Variants in LRBA observed in about 807,000 individuals in gnomAD.
LRBA encodes lipopolysaccharide-responsive and beige-like anchor protein.
A neutral mutation model predicts 330.0 loss-of-function variants in LRBA; 176 were observed. That is an observed-to-expected ratio of 0.53 (90% CI 0.47 to 0.60). The LOEUF (loss-of-function observed/expected upper bound fraction) is 0.60. LRBA is among the 20% of genes least tolerant of loss of function. LRBA has a pLI of 0.00. For missense variants in LRBA, 3,259 were observed against 3,444.8 expected, an observed-to-expected ratio of 0.95 and a Z score of 1.35; for synonymous variants, 1,230 against 1,193.0, an observed-to-expected ratio of 1.03 and a Z score of -0.64.
At chr4:150,936,599 T>C (rs1735102751) in intron 2 of LRBA, among the ~76,000 whole-genome samples, 1 of 151,972 alleles carries the variant, frequency 6.6e-6, no homozygotes, top group Non-Finnish European at 1.5e-5. Context: ...AATTATATAA[T>C]GATTATAACT....
intron 37 of LRBA, among the ~76,000 whole-genome samples, chr4:150,656,403 T>C (rs942063708): frequency 4.6e-5 from 7 of 152,222 alleles, no homozygotes; most frequent in African/African-American, 1.4e-4. Flanking sequence ...GTTTGTGTTG[T>C]TGTGGGTTTT....
Position 150,588,178 on chromosome 4 carries a change from A to T in LRBA, c.6200T>A (p.Val2067Asp). ...AAGCTGAGCTGGTGTGCTCAGGCTA[A>T]CAGGACCTGCCAAAAGGAAAAGACA... Reference protein sequence around the residue: ...EKDLENLAGPVSLSTPAQLVA... With the variant: ...EKDLENLAGPDSLSTPAQLVA... Residue 2067 changes from valine to aspartate, a missense_variant, in exon 40 of 57, where the codon GTT becomes GAT. Transcript: ENST00000651943. 1 of 1,586,354 alleles carries T rather than the reference A, an allele frequency of 6.3e-7. No homozygotes were observed. The highest frequency in any genetic ancestry group is 8.5e-7 in the Non-Finnish European group (1 of 1,171,408).
intron 48 of LRBA, among the ~76,000 whole-genome samples, chr4:150,331,698 G>A (rs568870730): frequency 6.6e-6 from 1 of 152,246 alleles, no homozygotes; most frequent in Non-Finnish European, 1.5e-5. Flanking sequence ...TTAGCTGGCA[G>A]CCTTCATATT....
chr4:150,978,612 G>A (rs566966373), intron 2 of LRBA, among the ~76,000 whole-genome samples: 102 of 152,244 alleles, frequency 6.7e-4, no homozygotes, highest in Non-Finnish European at 1.3e-3. Flanking sequence ...CTATTTTGAG[G>A]AAACTCAAAG....
intron 2 of LRBA, among the ~76,000 whole-genome samples, chr4:150,959,628 TAAC>T (rs1423158650): frequency 6.7e-6 from 1 of 148,638 alleles, no homozygotes; most frequent in Non-Finnish European, 1.5e-5. Context: ...AAAAAGACAA[TAAC>T]AACGAATTGG....
At chr4:150,371,823 C>T (rs892209173) in intron 47 of LRBA, among the ~76,000 whole-genome samples, 15 of 152,076 alleles carry the variant, frequency 9.9e-5, no homozygotes, top group African/African-American at 3.6e-4. Context: ...GTCTATATTC[C>T]TATCCTAAAA....
intron 37 of LRBA, among the ~76,000 whole-genome samples, chr4:150,667,718 T>G (rs4396972): frequency 0.81 from 123,641 of 152,096 alleles, 53,364 homozygotes; most frequent in Non-Finnish European, 0.95. Flanking sequence ...TCCACCATGT[T>G]AGGATACAAT....
At chr4:150,798,247 A>G (rs549669214) in intron 33 of LRBA, 105 bp from the exon 34 acceptor site, 1 of 722,866 alleles carries the variant, frequency 1.4e-6, no homozygotes, top group South Asian at 1.7e-5. Flanking sequence ...CAGACTATTA[A>G]TAGTGCACAT....
intron 30 of LRBA, among the ~76,000 whole-genome samples, chr4:150,826,612 G>A (rs1283946906): frequency 1.3e-5 from 2 of 152,158 alleles, no homozygotes; most frequent in Admixed American, 6.5e-5. Flanking sequence ...TACCTTATCA[G>A]TAAGAGATTA....
At position 150,892,884 on chromosome 4, in the gene LRBA, A is replaced by T. The variant is rs2127097208; in HGVS notation, c.2165+168T>A. ...AATAGTAACACAGCCTCTATAATTA[A>T]AGATTCATTGAAAAAAAATGCATGA... is the stretch of plus-strand genomic sequence containing the variant. On this transcript the variant is annotated intron_variant, in intron 17 of 56. Transcript: ENST00000651943. Among the ~76,000 whole-genome samples, 6 of 152,306 alleles carry T rather than the reference A, an allele frequency of 3.9e-5. No individual in the cohort carries two copies. The Middle Eastern group carries it at 0.014, about 345-fold the overall frequency.
intron 52 of LRBA, among the ~76,000 whole-genome samples, chr4:150,306,974 G>A (rs1730431010): frequency 6.6e-6 from 1 of 151,674 alleles, no homozygotes; most frequent in Non-Finnish European, 1.5e-5. Context: ...TACTTCACAG[G>A]ATTATTGTGA....
intron 2 of LRBA, among the ~76,000 whole-genome samples, chr4:151,001,125 C>A (rs1002689535): frequency 6.6e-6 from 1 of 152,188 alleles, no homozygotes; most frequent in African/African-American, 2.4e-5. Context: ...TACAACAAGG[C>A]ACCATTTTGA....
intron 34 of LRBA, among the ~76,000 whole-genome samples, chr4:150,783,977 A>G (rs1042842600): frequency 1.3e-5 from 2 of 152,264 alleles, no homozygotes. Flanking sequence ...ATTTGTTAGT[A>G]TGTACTCAGA....
chr4:150,302,799 T>C lies in LRBA; in HGVS notation c.7850-7A>G, dbSNP rs939745948. On this transcript the variant is annotated splice_polypyrimidine_tract_variant and splice_region_variant and intron_variant, in intron 52 of 56. Transcript: ENST00000651943. The stretch of plus-strand genomic sequence containing the variant: ...ACCACTTGGATCAATCTTCCTGTAA[T>C]GCAAAACAATTTTCTTTAAAAATGC... 1.5e-5 allele frequency: 24 copies of C among 1,560,592 alleles called. No homozygotes were observed. The highest frequency in any genetic ancestry group is 2.0e-5 in the Non-Finnish European group (23 of 1,154,400).
chr4:150,528,368 G>A (rs2152191420), intron 40 of LRBA, among the ~76,000 whole-genome samples: 1 of 152,136 alleles, frequency 6.6e-6, no homozygotes, highest in South Asian at 2.1e-4. Flanking sequence ...AGGCGTGGTG[G>A]TGGGCGCCTG....
At chr4:150,987,930 A>C (rs1003154113) in intron 2 of LRBA, among the ~76,000 whole-genome samples, 5 of 150,824 alleles carry the variant, frequency 3.3e-5, no homozygotes. Flanking sequence ...TGAACCCAGG[A>C]GGCAGAGGTT....
At chr4:150,509,615 GTGTTT>G (rs951908889) in intron 40 of LRBA, among the ~76,000 whole-genome samples, 19 of 150,554 alleles carry the variant, frequency 1.3e-4, no homozygotes, top group Admixed American at 4.0e-4. Context: ...AGCTGTTTTT[GTGTTT>G]TGTTTTGTTT....
chr4:150,922,286 T>C (rs1312812183), intron 4 of LRBA, among the ~76,000 whole-genome samples: 1 of 151,786 alleles, frequency 6.6e-6, no homozygotes, highest in Non-Finnish European at 1.5e-5. Context: ...TAAAGGTACT[T>C]CAAAAAGATA....
At chr4:150,788,135 T>C (rs1429932116) in intron 34 of LRBA, among the ~76,000 whole-genome samples, 1 of 152,008 alleles carries the variant, frequency 6.6e-6, no homozygotes, top group African/African-American at 2.4e-5. Context: ...CTCAGTGGCA[T>C]GGTCTTGGCT....
Sources: allele counts gnomAD v4.1 joint callset (sites outside exome capture counted in the v4.1 genomes callset), GRCh38; gene constraint gnomAD v4.1.1; transcripts MANE v1.5; gene names NCBI Gene and HGNC (gene_info 2026-07-23, HGNC 2026-07-21).